The following CDH18 variants were observed in gnomAD, a reference collection of about 807,000 sequenced individuals.
CDH18 encodes the protein cadherin-18.
In CDH18, 31 loss-of-function variants were observed where a neutral mutation model predicts 67.9. The ratio of observed to expected loss-of-function variants is 0.46; its 90% CI spans 0.34 to 0.62. The LOEUF is 0.62. CDH18 is among the 20% of genes least tolerant of loss of function. CDH18 has a pLI of 0.01. For synonymous variants in CDH18, 362 were observed against 347.2 expected, an observed-to-expected ratio of 1.04 and a Z score of -0.48; for missense variants, 890 against 975.5, an observed-to-expected ratio of 0.91 and a Z score of 1.17.
intron 2 of CDH18, among the ~76,000 whole-genome samples, chr5:20,071,128 A>G (rs561611440): frequency 2.0e-4 from 30 of 152,306 alleles, no homozygotes; most frequent in African/African-American, 6.5e-4. Context: ...TGTAGCAGAT[A>G]AAATTTGCCC....
chr5:20,163,511 T>G (rs1474386876), intron 2 of CDH18, among the ~76,000 whole-genome samples: 1 of 152,228 alleles, frequency 6.6e-6, no homozygotes, highest in African/African-American at 2.4e-5. Context: ...ATGTACTTTT[T>G]AAACAATTTT....
intron 1 of CDH18, among the ~76,000 whole-genome samples, chr5:20,394,016 G>A (rs574689914): frequency 2.6e-5 from 4 of 151,884 alleles, no homozygotes; most frequent in South Asian, 2.1e-4. Flanking sequence ...TGAAATTCCC[G>A]TCAAATTAAC....
chr5:20,280,570 G>C (rs555104902), intron 1 of CDH18, among the ~76,000 whole-genome samples: 80 of 152,302 alleles, frequency 5.3e-4, no homozygotes, highest in African/African-American at 1.9e-3. Context: ...GTATTCCATG[G>C]TGTATATGTG....
At chr5:20,544,164 T>A (rs1212951681) in intron 1 of CDH18, among the ~76,000 whole-genome samples, 1 of 151,928 alleles carries the variant, frequency 6.6e-6, no homozygotes, top group Non-Finnish European at 1.5e-5. Context: ...TGGCCAAACA[T>A]ATTACAAACA....
intron 1 of CDH18, among the ~76,000 whole-genome samples, chr5:20,374,932 G>A (rs985849287): frequency 8.5e-5 from 13 of 152,082 alleles, no homozygotes; most frequent in African/African-American, 3.1e-4. Flanking sequence ...GATAACCCTA[G>A]TAACAATATA....
At chr5:20,004,729 A>C (rs1402823523) in intron 2 of CDH18, among the ~76,000 whole-genome samples, 1 of 152,240 alleles carries the variant, frequency 6.6e-6, no homozygotes, top group Non-Finnish European at 1.5e-5. Flanking sequence ...GTACTACAGA[A>C]CACATTGTTG....
rs1016805467 is a variant in CDH18, at chr5:20,129,014, G to A, written c.-518+126430C>T. Among the ~76,000 whole-genome samples, 47 of 151,936 alleles carry A rather than the reference G, an allele frequency of 3.1e-4. 3 individuals are homozygous for A. Among genetic ancestry groups the A allele is most frequent in the African/African-American group, 1.1e-3 (47 of 41,330 alleles). On this transcript the variant is annotated intron_variant, in intron 2 of 14. Coordinates refer to the CDH18 transcript ENST00000507958. Reference sequence around the variant, plus strand: ...GACTGGGCTAAGAGTATACTCTTGAGAAATGAGAACACAATAAGGTACTCA... The same window carrying A: ...GACTGGGCTAAGAGTATACTCTTGAAAAATGAGAACACAATAAGGTACTCA...
intron 1 of CDH18, among the ~76,000 whole-genome samples, chr5:20,332,432 G>T (rs1183192161): frequency 1.3e-5 from 2 of 152,074 alleles, no homozygotes; most frequent in Non-Finnish European, 2.9e-5. Context: ...GTAATAAAAG[G>T]TCATTCCTGG....
chr5:19,722,590 AAACTT>A (rs1378237771), intron 4 of CDH18, among the ~76,000 whole-genome samples: 4 of 151,530 alleles, frequency 2.6e-5, no homozygotes, highest in African/African-American at 9.7e-5. Context: ...TTCTAAATGA[AAACTT>A]AATCTAAGTA....
chr5:20,542,478 C>T (rs952928182), intron 1 of CDH18, among the ~76,000 whole-genome samples: 2 of 151,258 alleles, frequency 1.3e-5, no homozygotes, highest in African/African-American at 2.4e-5. Flanking sequence ...TATACACACA[C>T]ATACAATGCT....
At chr5:19,816,622 T>G (rs1779313188) in intron 3 of CDH18, among the ~76,000 whole-genome samples, 1 of 151,834 alleles carries the variant, frequency 6.6e-6, no homozygotes, top group Non-Finnish European at 1.5e-5. Flanking sequence ...TCCAATCTAG[T>G]CAATAGTTAA....
At chr5:20,062,140 AATTATTATTATTATTATT>A (rs113839953) in intron 2 of CDH18, among the ~76,000 whole-genome samples, 1 of 137,930 alleles carries the variant, frequency 7.3e-6, no homozygotes, top group African/African-American at 2.7e-5. Flanking sequence ...TTAAGCCCAG[AATTATTATTATTATTATT>A]ATTATTATTA....
intron 4 of CDH18, among the ~76,000 whole-genome samples, chr5:19,735,379 T>A (rs1410634702): frequency 2.0e-5 from 3 of 148,976 alleles, no homozygotes; most frequent in Non-Finnish European, 4.4e-5. Context: ...TTTTGTTCAA[T>A]GTATTGATGA....
At chr5:20,278,235 G>T (rs1745952878) in intron 1 of CDH18, among the ~76,000 whole-genome samples, 1 of 151,978 alleles carries the variant, frequency 6.6e-6, no homozygotes, top group African/African-American at 2.4e-5. Context: ...CAAAGAGCAT[G>T]GATAAAGAAA....
chr5:19,919,404 C>G (rs1257164515), intron 2 of CDH18, among the ~76,000 whole-genome samples: 1 of 152,158 alleles, frequency 6.6e-6, no homozygotes, highest in East Asian at 1.9e-4. Flanking sequence ...AGTTGGACAG[C>G]TGAATACCCA....
intron 5 of CDH18, among the ~76,000 whole-genome samples, chr5:19,665,264 TTTATTTTCTGGAGGAAAA>T (rs1316007419): frequency 3.3e-5 from 5 of 152,048 alleles, no homozygotes; most frequent in African/African-American, 1.2e-4. Context: ...TAGATGCCTG[TTTATTTTCTGGAGGAAAA>T]TTATTTTCTG....
intron 5 of CDH18, among the ~76,000 whole-genome samples, chr5:19,698,070 TA>T (rs1762766047): frequency 6.6e-6 from 1 of 152,174 alleles, no homozygotes; most frequent in South Asian, 2.1e-4. Flanking sequence ...TATAACTGTT[TA>T]TATGCACCTA....
chr5:19,785,280 C>T (rs1238571533), intron 3 of CDH18, among the ~76,000 whole-genome samples: 1 of 151,962 alleles, frequency 6.6e-6, no homozygotes, highest in Non-Finnish European at 1.5e-5. Context: ...TGATCCATCA[C>T]ATAATATTTT....
chr5:20,400,854 C>A (rs2150129002), intron 1 of CDH18, among the ~76,000 whole-genome samples: 1 of 152,218 alleles, frequency 6.6e-6, no homozygotes, highest in African/African-American at 2.4e-5. Context: ...TAAAAACCAA[C>A]CAACCAAATC....
Sources: allele counts gnomAD v4.1 joint callset (sites outside exome capture counted in the v4.1 genomes callset), GRCh38; gene constraint gnomAD v4.1.1; transcripts MANE v1.5; gene names NCBI Gene and HGNC (gene_info 2026-07-23, HGNC 2026-07-21).